The following NEB variants were observed in gnomAD, a reference collection of about 807,000 sequenced individuals.
NEB encodes nemaline myopathy type 2.
A neutral mutation model predicts 952.2 loss-of-function variants in NEB; 512 were observed. That is an observed-to-expected ratio of 0.54 (90% CI 0.50 to 0.58). The LOEUF (loss-of-function observed/expected upper bound fraction) is 0.58, where lower values mean the gene tolerates loss of function less well. NEB is among the 20% of genes least tolerant of loss of function. The pLI, the probability that NEB is intolerant of heterozygous loss-of-function variation, is 0.00. For synonymous variants in NEB, 2,900 were observed against 3,149.8 expected (o/e 0.92, Z 2.66); for missense variants, 8,428 against 9,231.1 (o/e 0.91, Z 3.56).
At position 151,677,748 on chromosome 2, in the gene NEB, G is replaced by C. The variant is rs1162466411; in HGVS notation, c.3591C>G (p.Asn1197Lys). The part of the protein sequence containing the change: ...QSDNVYKEDY[N>K]NWMKGIGWIP... ...TCCAGCCAATGCCTTTCATCCAGTT[G>C]TTGTAGTCTTCCTTGTAGACGTTCT... is the stretch of plus-strand genomic sequence containing the variant. The change falls in exon 34 of 182, where the codon AAC (asparagine) becomes AAG (lysine). Residue 1197 changes from asparagine (N) to lysine (K), a missense_variant. By Grantham distance (94) the Asn-to-Lys change is moderately conservative (BLOSUM62 0). Transcript: ENST00000397345. The C allele has an allele frequency of 6.2e-7, 1 of 1,613,982 alleles. No individual in the cohort carries two copies. Among genetic ancestry groups the C allele is most frequent in the Admixed American group, 1.7e-5 (1 of 60,012 alleles).
rs935762606 is a variant in NEB, at chr2:151,537,071, T to C, written c.21207+61A>G. 5.8e-6 allele frequency: 6 copies of C among 1,037,086 alleles called. No homozygotes were observed. In the Admixed American group the frequency reaches 5.9e-5, roughly 10 times the overall value. The allele number at this position is 1,037,086 out of a possible 1,614,324, so 64.2% of individuals were successfully genotyped here. A position where few individuals can be genotyped will look rare whatever the true frequency, so the allele number is the denominator to read the frequency against. On this transcript the variant is annotated intron_variant, in intron 141 of 181. Coordinates refer to ENST00000397345, the MANE Select transcript of NEB (RefSeq NM_001164508.2). ...ATGAAAGACTATTTCTCAGTGCTAA[T>C]TCTCTCTGGGTACAGGTATATGTCG...
chr2:151,609,367 C>T (rs868015308), intron 81 of NEB, among the ~76,000 whole-genome samples: 1 of 151,844 alleles, frequency 6.6e-6, no homozygotes, highest in African/African-American at 2.4e-5. Context: ...ACAGAAGTCA[C>T]TTGTAAAAAC....
At chr2:151,623,596 T>C (rs1039709391) in intron 71 of NEB, among the ~76,000 whole-genome samples, 9 of 152,150 alleles carry the variant, frequency 5.9e-5, no homozygotes, top group Admixed American at 3.9e-4. Context: ...GTCACTATTA[T>C]GTTTATAAAG....
chr2:151,664,040 C>T (rs1257751931), intron 44 of NEB, among the ~76,000 whole-genome samples, 181 bp from the exon 45 acceptor site: 1 of 150,242 alleles, frequency 6.7e-6, no homozygotes, highest in African/African-American at 2.5e-5. Context: ...TTTCCCGAGA[C>T]TTGAGTCCAT....
At chr2:151,495,925 G>A (rs1178788076) in intron 173 of NEB, among the ~76,000 whole-genome samples, 1 of 152,076 alleles carries the variant, frequency 6.6e-6, no homozygotes, top group Non-Finnish European at 1.5e-5. Flanking sequence ...AGAAAGAGCC[G>A]CATTGGACCT....
chr2:151,650,382 G>T lies in NEB; in HGVS notation c.7228-3C>A, dbSNP rs577996029. Reference sequence around the variant, plus strand: ...TCAAGGTCAGATTTATATAGATTCTGTGAAAAGACAGAGCAAGCCATCAAA... The same window carrying T: ...TCAAGGTCAGATTTATATAGATTCTTTGAAAAGACAGAGCAAGCCATCAAA... On this transcript the variant is annotated splice_region_variant and splice_polypyrimidine_tract_variant and intron_variant, in intron 53 of 181. Transcript: ENST00000397345. 6.2e-7 allele frequency: 1 copy of T among 1,612,974 alleles called. No homozygotes were observed. Among genetic ancestry groups the T allele is most frequent in the East Asian group, 2.2e-5 (1 of 44,862 alleles).
chr2:151,614,286 A>G lies in NEB; in HGVS notation c.11591T>C (p.Leu3864Pro). The G allele has an allele frequency of 6.2e-7, 1 of 1,613,364 alleles. No homozygotes were observed. The highest frequency in any genetic ancestry group is 1.3e-5 in the African/African-American group (1 of 75,050). Residue 3864 changes from leucine (L) to proline (P), a missense_variant, in exon 77 of 182, where the codon CTG becomes CCG. By Grantham distance (98) the Leu-to-Pro change is moderately conservative. This residue lies in a region of NEB where 1,772 missense variants were observed against 1,960.3 expected (regional missense o/e 0.90). Coordinates refer to ENST00000397345, the MANE Select transcript of NEB (RefSeq NM_001164508.2). ...DVIQARKAYD[L>P]QSDAIYKSDL... ...ATTAGAGCCACTCACATCACTCTGC[A>G]GGTCATAGGCCTTCCGAGCCTGAAT... is the stretch of plus-strand genomic sequence containing the variant.
intron 40 of NEB, among the ~76,000 whole-genome samples, chr2:151,667,001 T>A (rs2099227079): frequency 2.0e-5 from 3 of 152,096 alleles, no homozygotes; most frequent in Admixed American, 1.3e-4. Flanking sequence ...TCAAGGCATT[T>A]ATTATGTCAA....
rs1209451410 is a variant in NEB, at chr2:151,547,488, A to G, written c.20308T>C (p.Ser6770Pro). The change falls in exon 133 of 182, where the codon TCT becomes CCT. Residue 6770 changes from serine (S) to proline (P), a missense_variant. Ser to Pro is a moderately conservative substitution (Grantham distance 74, BLOSUM62 -1). This residue lies in a region of NEB where 3,374 missense variants were observed against 3,651.5 expected (regional missense o/e 0.92). Transcript: ENST00000397345. Reference protein sequence around the residue: ...DFFKMQGHMISLPYTPQVIHC... With the variant: ...DFFKMQGHMIPLPYTPQVIHC... ...ATCACTTGGGGTGTGTATGGCAGAG[A>G]GATCATGTGGCCCTGCATCTTGAAG... The G allele has an allele frequency of 6.2e-7, 1 of 1,608,112 alleles. No homozygotes were observed. The highest frequency in any genetic ancestry group is 1.7e-5 in the Admixed American group (1 of 59,194).
chr2:151,732,063 T>G (rs2099810489), intron 3 of NEB, among the ~76,000 whole-genome samples: 1 of 152,176 alleles, frequency 6.6e-6, no homozygotes, highest in Admixed American at 6.5e-5. Context: ...TAAAATAATT[T>G]TCCAAAGAGA....
chr2:151,723,497 A>G lies in NEB; in HGVS notation c.613-11T>C. On this transcript the variant is annotated splice_polypyrimidine_tract_variant and intron_variant, in intron 8 of 181. Transcript: ENST00000397345. ...TTCAGTGTACAGTTTCTAAATCAAA[A>G]AAGAGTGAAAAGTTAGGAGGAAGTA... 6.3e-7 allele frequency: 1 copy of G among 1,575,220 alleles called. No individual in the cohort carries two copies. The highest frequency in any genetic ancestry group is 2.3e-5 in the East Asian group (1 of 44,108).
chr2:151,721,299 T>C (rs1330444966), intron 9 of NEB, among the ~76,000 whole-genome samples: 1 of 152,224 alleles, frequency 6.6e-6, no homozygotes, highest in Admixed American at 6.5e-5. Flanking sequence ...ATGCCTCTTA[T>C]TTATTACCGT....
Position 151,679,720 on chromosome 2 carries a change from C to T in NEB, c.3255+1G>A, listed in dbSNP as rs375628303. 8 of 1,343,354 alleles carry T rather than the reference C, an allele frequency of 6.0e-6. No individual in the cohort carries two copies. The highest frequency in any genetic ancestry group is 3.0e-6 in the Non-Finnish European group (3 of 1,006,066). 83.2% of individuals were successfully genotyped at this position (1,343,354 alleles called of 1,614,324 possible). A position where few individuals can be genotyped will look rare whatever the true frequency, so the allele number is the denominator to read the frequency against. On this transcript the variant is annotated splice_donor_variant, in intron 32 of 181. Coordinates refer to ENST00000397345, the MANE Select transcript of NEB (RefSeq NM_001164508.2). LOFTEE classifies it high-confidence loss of function. ...CCATGTATGACCACAGCTGGACTTA[C>T]GTCACTCGCCGCCTGCCTGGCAGCT...
At chr2:151,639,758 C>T in intron 62 of NEB, 99 bp downstream of exon 62, 1 of 1,000,472 alleles carries the variant, frequency 1.0e-6, no homozygotes, top group Non-Finnish European at 1.5e-6. Flanking sequence ...TAGATAGATG[C>T]CTTTTATTAC....
Position 151,553,833 on chromosome 2 carries a change from T to C in NEB, c.19621A>G (p.Ser6541Gly), listed in dbSNP as rs779842159. 3 of 1,610,328 alleles carry C rather than the reference T, an allele frequency of 1.9e-6. No homozygotes were observed. Among genetic ancestry groups the C allele is most frequent in the African/African-American group, 2.7e-5 (2 of 74,890 alleles). The change falls in exon 126 of 182, where the codon AGC becomes GGC. Residue 6541 changes from serine (S) to glycine (G), a missense_variant. By Grantham distance (56) the Ser-to-Gly change is moderately conservative (BLOSUM62 0). Around this residue, in one of 11 missense-constraint regions of NEB, gnomAD observed 3,374 missense variants for 3,651.5 expected, o/e 0.92. Transcript: ENST00000397345. ...DHVRKVTDQI[S>G]DIVYKDDLNW... ...TTCTTAAGTCACAGGCTTACATCGCTGATCTGATCTGTGACTTTCCTGACG... is the reference window on the plus strand; with the variant it reads ...TTCTTAAGTCACAGGCTTACATCGCCGATCTGATCTGTGACTTTCCTGACG...
rs1323925316 is a variant in NEB, at chr2:151,485,794, C to G, written c.25544G>C (p.Gly8515Ala). 2 of 1,612,834 alleles carry G rather than the reference C, an allele frequency of 1.2e-6. No individual in the cohort carries two copies. The highest frequency in any genetic ancestry group is 1.7e-6 in the Non-Finnish European group (2 of 1,179,162). ...YGTVQRTGRT[G>A]MLPANYVEAI ...TTCAACGTAGTTGGCTGGGAGCATTCCGGTCCTGCCAGTCCTCTGCACAGT... is the reference window on the plus strand; with the variant it reads ...TTCAACGTAGTTGGCTGGGAGCATTGCGGTCCTGCCAGTCCTCTGCACAGT... Residue 8515 changes from glycine (G) to alanine (A), a missense_variant, in exon 182 of 182, where the codon GGA (glycine) becomes GCA (alanine). Physicochemically the swap from Gly to Ala is moderately conservative, Grantham distance 60 (BLOSUM62 0). Transcript: ENST00000397345.
Position 151,563,875 on chromosome 2 carries a change from T to C in NEB, c.18527A>G (p.Glu6176Gly). The C allele has an allele frequency of 6.2e-7, 1 of 1,612,900 alleles. No individual in the cohort carries two copies. ...GTKAYGYTLD[E>G]RYIPIVGAKH... ...GGCTCCAACAATGGGAATGTAGCGC[T>C]CATCCAGGGTGTAGCCATAGGCCTT... The change falls in exon 118 of 182, where the codon GAG (glutamate) becomes GGG (glycine). Residue 6176 changes from glutamate to glycine, a missense_variant. This residue lies in a region of NEB where 3,374 missense variants were observed against 3,651.5 expected (regional missense o/e 0.92). Transcript: ENST00000397345.
chr2:151,665,053 C>T (rs1166654625), intron 42 of NEB, among the ~76,000 whole-genome samples, 190 bp from the exon 43 acceptor site: 2 of 152,114 alleles, frequency 1.3e-5, no homozygotes, highest in East Asian at 1.9e-4. Context: ...TACGGCAACC[C>T]TCTACCACCA....
intron 39 of NEB, 88 bp downstream of exon 39, chr2:151,668,939 G>A (rs140608564): frequency 0.012 from 11,125 of 953,856 alleles, 98 homozygotes; most frequent in Non-Finnish European, 0.014. Context: ...ACTGAATTGC[G>A]CCCCCTACAA....
Sources: gnomAD v4.1 joint callset for allele counts (sites outside exome capture counted in the v4.1 genomes callset) on GRCh38, gnomAD v4.1.1 for gene constraint, gnomAD v4.1.1 regional missense constraint, MANE v1.5 for transcripts, NCBI Gene and HGNC (gene_info 2026-07-23, HGNC 2026-07-21) for gene names.